ROR2: variants seen among roughly 807,000 people sequenced by gnomAD.
The protein encoded by ROR2 is ROR family WNT receptor 2, also known as tyrosine-protein kinase transmembrane receptor ROR2.
ROR2 carries 33 observed loss-of-function variants against 74.9 expected under a neutral mutation model. The ratio of observed to expected loss-of-function variants is 0.44; its 90% CI spans 0.33 to 0.59. ROR2 has a LOEUF of 0.59. Ranked by LOEUF, ROR2 falls within the 20% of genes least tolerant of loss-of-function variation. The pLI, the probability that ROR2 is intolerant of heterozygous loss-of-function variation, is 0.02. For missense variants in ROR2, 1,216 were observed against 1,313.8 expected (o/e 0.93, Z 1.15); for synonymous variants, 586 against 558.7 (o/e 1.05, Z -0.69).
chr9:91,930,868 C>A (rs1361789616), intron 1 of ROR2, among the ~76,000 whole-genome samples: 1 of 152,120 alleles, frequency 6.6e-6, no homozygotes, highest in African/African-American at 2.4e-5. Flanking sequence ...ACCTAATTCC[C>A]AAGAAGAATG....
intron 1 of ROR2, among the ~76,000 whole-genome samples, chr9:91,899,113 T>C (rs1018570459): frequency 1.3e-5 from 2 of 152,136 alleles, no homozygotes; most frequent in Non-Finnish European, 1.5e-5. Context: ...CTCTTCCTGT[T>C]CCGCTGACTC....
At chr9:91,948,739 G>A (rs953292927) in intron 1 of ROR2, 5 of 985,362 alleles carry the variant, frequency 5.1e-6, no homozygotes, top group African/African-American at 3.5e-5. Flanking sequence ...AGGGATGGGG[G>A]ATACTGAAGC....
At chr9:91,925,151 C>A (rs1193853926) in intron 1 of ROR2, among the ~76,000 whole-genome samples, 6 of 152,086 alleles carry the variant, frequency 3.9e-5, no homozygotes, top group Non-Finnish European at 8.8e-5. Flanking sequence ...CTGCACCTGA[C>A]CATGTTTGCA....
chr9:91,819,365 ATGTG>A (rs1337628102), intron 1 of ROR2, among the ~76,000 whole-genome samples: 1 of 152,104 alleles, frequency 6.6e-6, no homozygotes, highest in East Asian at 1.9e-4. Context: ...GTTCATCTGT[ATGTG>A]TGTCTATGTC....
chr9:91,768,353 A>C (rs1826123210), intron 2 of ROR2, among the ~76,000 whole-genome samples: 1 of 152,220 alleles, frequency 6.6e-6, no homozygotes, highest in Non-Finnish European at 1.5e-5. Context: ...GAGACAGCCC[A>C]AGAAACTAAA....
intron 1 of ROR2, among the ~76,000 whole-genome samples, chr9:91,819,533 GTC>G (rs1205809269): frequency 1.3e-5 from 2 of 151,960 alleles, no homozygotes; most frequent in Non-Finnish European, 2.9e-5. Context: ...GTCTTTGTGT[GTC>G]TGTCTTTGAG....
intron 1 of ROR2, among the ~76,000 whole-genome samples, chr9:91,850,872 C>T (rs904897284): frequency 1.3e-5 from 2 of 152,084 alleles, no homozygotes; most frequent in Non-Finnish European, 2.9e-5. Context: ...TTATTAAGAA[C>T]GATTTTCCTA....
At chr9:91,757,246 C>T (rs1303331265) in intron 3 of ROR2, 26 bp downstream of exon 3, 2 of 1,613,652 alleles carry the variant, frequency 1.2e-6, no homozygotes, top group East Asian at 2.2e-5. Context: ...ATCTGCTAAC[C>T]CACACAATTT....
chr9:91,782,135 C>T (rs922526867), intron 1 of ROR2, among the ~76,000 whole-genome samples: 5 of 152,260 alleles, frequency 3.3e-5, no homozygotes, highest in Admixed American at 6.5e-5. Context: ...CCACCCCCAC[C>T]AGATACAGTG....
chr9:91,839,805 G>A (rs554212137), intron 1 of ROR2, among the ~76,000 whole-genome samples: 82 of 151,862 alleles, frequency 5.4e-4, no homozygotes, highest in African/African-American at 1.9e-3. Flanking sequence ...GGGGAGCCTC[G>A]GGAGCCAGAA....
At chr9:91,750,511 T>C (rs1036029759) in intron 4 of ROR2, among the ~76,000 whole-genome samples, 2 of 152,224 alleles carry the variant, frequency 1.3e-5, no homozygotes, top group African/African-American at 4.8e-5. Flanking sequence ...CTCCCTGCAC[T>C]TGGGACACCA....
intron 1 of ROR2, among the ~76,000 whole-genome samples, chr9:91,817,344 C>G (rs1827975815): frequency 1.3e-5 from 2 of 152,344 alleles, no homozygotes; most frequent in Admixed American, 1.3e-4. Flanking sequence ...GTCCAGGGCT[C>G]CTGGTAAATC....
chr9:91,807,993 C>T lies in ROR2; in HGVS notation c.98-32175G>A, dbSNP rs528298832. ...TAGCTCGGTCGCAAGCCTGTCTATACCAGTTGTATTTGTTACTATAATTAT... is the reference window on the plus strand; with the variant it reads ...TAGCTCGGTCGCAAGCCTGTCTATATCAGTTGTATTTGTTACTATAATTAT... On this transcript the variant is annotated intron_variant, in intron 1 of 8. Coordinates refer to ENST00000375708, the MANE Select transcript of ROR2 (RefSeq NM_004560.4). Among the ~76,000 whole-genome samples, 26 of 152,192 alleles carry T rather than the reference C, an allele frequency of 1.7e-4. No individual in the cohort carries two copies. The South Asian group carries it at 5.4e-3, about 32-fold the overall frequency.
intron 1 of ROR2, among the ~76,000 whole-genome samples, chr9:91,891,823 G>C (rs1490343723): frequency 1.3e-5 from 2 of 151,984 alleles, no homozygotes; most frequent in Non-Finnish European, 2.9e-5. Context: ...CAAGACGGGA[G>C]AATCACTTGA....
chr9:91,864,615 C>G (rs951257004), intron 1 of ROR2, among the ~76,000 whole-genome samples: 1 of 152,214 alleles, frequency 6.6e-6, no homozygotes, highest in East Asian at 1.9e-4. Context: ...AGCAACCCTG[C>G]CAGAGCGATC....
chr9:91,847,634 GC>G (rs1828970121), intron 1 of ROR2, among the ~76,000 whole-genome samples: 1 of 152,132 alleles, frequency 6.6e-6, no homozygotes, highest in Admixed American at 6.5e-5. Flanking sequence ...CTCCTCCAGA[GC>G]CGCTTTTCTC....
chr9:91,774,179 T>C (rs1826337579), intron 2 of ROR2, among the ~76,000 whole-genome samples: 1 of 152,204 alleles, frequency 6.6e-6, no homozygotes, highest in Non-Finnish European at 1.5e-5. Flanking sequence ...TAAACAAGCT[T>C]TCAGAGCATG....
At chr9:91,772,448 C>T (rs765790001) in intron 2 of ROR2, among the ~76,000 whole-genome samples, 1 of 152,196 alleles carries the variant, frequency 6.6e-6, no homozygotes. Context: ...AAGGCCCTGA[C>T]CCCAGGGGGA....
At chr9:91,879,421 T>C (rs531146866) in intron 1 of ROR2, among the ~76,000 whole-genome samples, 2 of 149,942 alleles carry the variant, frequency 1.3e-5, no homozygotes, top group South Asian at 4.2e-4. Context: ...GGAGTGGGTG[T>C]GGGTGTGTGG....
Sources: allele counts gnomAD v4.1 joint callset (sites outside exome capture counted in the v4.1 genomes callset), GRCh38; gene constraint gnomAD v4.1.1; transcripts MANE v1.5; gene names NCBI Gene and HGNC (gene_info 2026-07-23, HGNC 2026-07-21).